The following MDGA1 variants were observed in gnomAD, a reference collection of about 807,000 sequenced individuals.
MDGA1 encodes the protein MAM domain-containing glycosylphosphatidylinositol anchor protein 1.
Under a neutral mutation model 101.5 loss-of-function variants are expected in MDGA1, and 54 were observed. The ratio of observed to expected loss-of-function variants is 0.53; its 90% CI spans 0.43 to 0.67. The LOEUF is 0.67. MDGA1 is among the 30% of genes least tolerant of loss of function. The probability of loss-of-function intolerance (pLI) is 0.00; values close to 1 mark genes in which losing one functional copy is unlikely to be tolerated. For synonymous variants in MDGA1, 533 were observed against 558.3 expected (o/e 0.95, Z 0.64); for missense variants, 1,083 against 1,323.8 (o/e 0.82, Z 2.82).
In MDGA1 at chr6:37,649,092, G is replaced by A. The variant is rs761003277; in HGVS notation, c.1784C>T (p.Pro595Leu). Reference protein sequence around the residue: ...PPVVPAAAEAPDHAELRLDAV... With the variant: ...PPVVPAAAEALDHAELRLDAV... ...GTCGAGGCGCAGCTCCGCGTGATCC[G>A]GCGCCTCGGCGGCGGCGGGAACAAC... Residue 595 changes from proline (P) to leucine (L), a missense_variant, in exon 9 of 17, where the codon CCG becomes CTG. Around this residue, in one of 3 missense-constraint regions of MDGA1, gnomAD observed 657 missense variants for 771.4 expected, o/e 0.85. Coordinates refer to ENST00000434837, the MANE Select transcript of MDGA1 (RefSeq NM_153487.4). The A allele has an allele frequency of 2.6e-6, 4 of 1,525,364 alleles. No homozygotes were observed. Among genetic ancestry groups the A allele is most frequent in the South Asian group, 2.4e-5 (2 of 82,824 alleles). The allele number at this position is 1,525,364 out of a possible 1,614,324, so 94.5% of individuals were successfully genotyped here. A position where few individuals can be genotyped will look rare whatever the true frequency, so the allele number is the denominator to read the frequency against.
chr6:37,673,900 T>C (rs1220885646), intron 1 of MDGA1, among the ~76,000 whole-genome samples: 1 of 152,194 alleles, frequency 6.6e-6, no homozygotes, highest in African/African-American at 2.4e-5. Context: ...ATTAGACTCA[T>C]GTTCGAGTCC....
intron 1 of MDGA1, among the ~76,000 whole-genome samples, chr6:37,680,615 G>A (rs934391235): frequency 7.2e-5 from 11 of 152,374 alleles, no homozygotes; most frequent in African/African-American, 2.6e-4. Flanking sequence ...GCCTGGTTAG[G>A]ACACCACAGA....
chr6:37,649,982 A>C (rs1281992431), intron 8 of MDGA1, 127 bp downstream of exon 8: 1 of 1,060,756 alleles, frequency 9.4e-7, no homozygotes, highest in African/African-American at 1.6e-5. Flanking sequence ...AAGGAGCATT[A>C]GGGGTATCAG....
At chr6:37,694,024 G>A (rs1762367088) in intron 1 of MDGA1, among the ~76,000 whole-genome samples, 5 of 152,168 alleles carry the variant, frequency 3.3e-5, no homozygotes, top group South Asian at 2.1e-4. Flanking sequence ...AGCCTAGGCC[G>A]AATGCCGTCA....
intron 8 of MDGA1, among the ~76,000 whole-genome samples, 188 bp from the exon 9 acceptor site, chr6:37,649,454 C>T (rs867784294): frequency 3.9e-5 from 6 of 152,228 alleles, no homozygotes; most frequent in Non-Finnish European, 8.8e-5. Flanking sequence ...TGCAGATACC[C>T]ACTCCCTCCT....
At position 37,654,969 on chromosome 6, in the gene MDGA1, T is replaced by C. The variant is rs201719851; in HGVS notation, c.580-37A>G. 4.3e-6 allele frequency: 7 copies of C among 1,609,404 alleles called. No individual in the cohort carries two copies. In the African/African-American group the frequency reaches 5.3e-5, roughly 12 times the overall value. The stretch of plus-strand genomic sequence containing the variant: ...TGGACCACTGGGGTGAGGTGCCTGC[T>C]TGAGTCTCCAGGGATCCCGCATACT... On this transcript the variant is annotated intron_variant, in intron 4 of 16. Transcript: ENST00000434837.
chr6:37,641,529 T>C (rs3905219), intron 14 of MDGA1, among the ~76,000 whole-genome samples: 85,231 of 152,126 alleles, frequency 0.56, 24,346 homozygotes, highest in South Asian at 0.69. Context: ...AATCTCCCCT[T>C]TCGCTATCTT....
intron 1 of MDGA1, among the ~76,000 whole-genome samples, chr6:37,684,513 G>C (rs1387184967): frequency 6.6e-6 from 1 of 152,206 alleles, no homozygotes; most frequent in Non-Finnish European, 1.5e-5. Context: ...CCCTAAGCCT[G>C]GGAGGTGACA....
intron 4 of MDGA1, 63 bp from the exon 5 acceptor site, chr6:37,654,995 C>CA: frequency 6.3e-7 from 1 of 1,585,068 alleles, no homozygotes; most frequent in Non-Finnish European, 8.6e-7. Flanking sequence ...CCCGCATACT[C>CA]ATTCACCCAG....
intron 1 of MDGA1, among the ~76,000 whole-genome samples, chr6:37,684,549 GA>G (rs1244191598): frequency 6.6e-6 from 1 of 152,220 alleles, no homozygotes; most frequent in Non-Finnish European, 1.5e-5. Flanking sequence ...GAAAGCTGTA[GA>G]AAGTCCTTTG....
In MDGA1 at chr6:37,652,353, G is replaced by A. The variant is rs2273109; in HGVS notation, c.983-13C>T. On this transcript the variant is annotated splice_polypyrimidine_tract_variant and intron_variant, in intron 6 of 16. Coordinates refer to ENST00000434837, the MANE Select transcript of MDGA1 (RefSeq NM_153487.4). This position sits in a 1 kb window ranked among gnomAD's most constrained non-coding sequence, Gnocchi z 4.3. ...GCGTTCTTCATGGCTGTGAGTGGAT[G>A]GGGAGGGAAGGGTAGTTGGGGTTGG... 0.69 allele frequency: 1,089,195 copies of A among 1,586,046 alleles called. 377,309 individuals are homozygous for A. Among genetic ancestry groups the A allele is most frequent in the East Asian group, 0.86 (37,742 of 44,054 alleles).
intron 7 of MDGA1, 52 bp from the exon 8 acceptor site, chr6:37,650,457 C>T (rs1761335865): frequency 4.9e-6 from 7 of 1,433,768 alleles, no homozygotes; most frequent in Non-Finnish European, 6.4e-6. Context: ...TTAGAGCTCC[C>T]CACTGGGCTC....
intron 1 of MDGA1, among the ~76,000 whole-genome samples, chr6:37,673,270 G>A (rs1225378954): frequency 1.3e-5 from 2 of 152,158 alleles, no homozygotes; most frequent in Non-Finnish European, 2.9e-5. Context: ...GACCGATGCT[G>A]TGCAGCATCC....
intron 1 of MDGA1, among the ~76,000 whole-genome samples, chr6:37,688,772 G>A (rs1762250082): frequency 6.6e-6 from 1 of 152,196 alleles, no homozygotes; most frequent in Non-Finnish European, 1.5e-5. Context: ...ATCCCAAAAG[G>A]TAAGCGTGCC....
chr6:37,663,051 T>C (rs963772821), intron 2 of MDGA1, among the ~76,000 whole-genome samples: 5 of 152,222 alleles, frequency 3.3e-5, no homozygotes, highest in Non-Finnish European at 5.9e-5. Context: ...GCCATCTATG[T>C]TCCCAAAATG....
Position 37,646,228 on chromosome 6 carries a change from T to C in MDGA1, c.2194A>G (p.Met732Val), listed in dbSNP as rs766878885. The change falls in exon 11 of 17, where the codon ATG (methionine) becomes GTG (valine). Residue 732 changes from methionine (M) to valine (V), a missense_variant. By Grantham distance (21) the Met-to-Val change is conservative. This residue lies in a region of MDGA1 where 657 missense variants were observed against 771.4 expected (regional missense o/e 0.85). Transcript: ENST00000434837. ...GTGTAGTGGATGATGCGGGAGGCCA[T>C]GTCACCAGCCCCGAAGGTGGTATAG... ...TPYTTFGAGDMASRIIHYTEP... is the reference protein window; with the variant it reads ...TPYTTFGAGDVASRIIHYTEP... 1.2e-5 allele frequency: 19 copies of C among 1,591,230 alleles called. No homozygotes were observed. In the Admixed American group the frequency reaches 2.6e-4, roughly 22 times the overall value.
intron 2 of MDGA1, among the ~76,000 whole-genome samples, chr6:37,662,161 CG>C (rs1382909860): frequency 3.3e-4 from 15 of 45,074 alleles, no homozygotes; most frequent in East Asian, 2.7e-3. Flanking sequence ...GACCCTGTCT[CG>C]AAAAAAAAAA....
intron 1 of MDGA1, among the ~76,000 whole-genome samples, chr6:37,688,382 C>T (rs982515091): frequency 6.6e-6 from 1 of 152,166 alleles, no homozygotes; most frequent in Non-Finnish European, 1.5e-5. Flanking sequence ...AGCTTCCAAT[C>T]CTCCAGATAA....
Position 37,655,910 on chromosome 6 carries a change from G to A in MDGA1, c.383-14C>T. 6.2e-7 allele frequency: 1 copy of A among 1,606,500 alleles called. No individual in the cohort carries two copies. The highest frequency in any genetic ancestry group is 8.5e-7 in the Non-Finnish European group (1 of 1,176,384). ...GCTCATCCAGGTCTGCAAGGGCACA[G>A]CCCCCATGGAGTCAGGACTGGGTGA... is the stretch of plus-strand genomic sequence containing the variant. On this transcript the variant is annotated splice_polypyrimidine_tract_variant and intron_variant, in intron 3 of 16. Transcript: ENST00000434837. The surrounding 1 kb of genome is among the most constrained non-coding windows in gnomAD (Gnocchi z 5.1).
Sources: allele counts gnomAD v4.1 joint callset (sites outside exome capture counted in the v4.1 genomes callset), GRCh38; gene constraint gnomAD v4.1.1; regional missense constraint gnomAD v4.1.1; non-coding constraint Gnocchi (gnomAD v3.1); transcripts MANE v1.5; gene names NCBI Gene and HGNC (gene_info 2026-07-23, HGNC 2026-07-21).